The following SYCP2L variants were observed in gnomAD, a reference collection of about 807,000 sequenced individuals.
SYCP2L encodes synaptonemal complex protein 2-like.
In SYCP2L, 98 loss-of-function variants were observed where a neutral mutation model predicts 125.8. The observed-to-expected ratio is 0.78, with a 90% CI of 0.66 to 0.92. The LOEUF (loss-of-function observed/expected upper bound fraction) is 0.92. Ranked by LOEUF, SYCP2L falls within the 40% of genes least tolerant of loss-of-function variation. The pLI, the probability that SYCP2L is intolerant of heterozygous loss-of-function variation, is 0.00. For synonymous variants in SYCP2L, 317 were observed against 325.4 expected, an observed-to-expected ratio of 0.97 and a Z score of 0.28; for missense variants, 842 against 936.4, an observed-to-expected ratio of 0.90 and a Z score of 1.32.
intron 23 of SYCP2L, among the ~76,000 whole-genome samples, chr6:10,952,087 T>G (rs749889731): frequency 7.2e-5 from 11 of 152,212 alleles, no homozygotes; most frequent in Non-Finnish European, 1.3e-4. Flanking sequence ...TGACTGCGTT[T>G]GTGTTTATTT....
At chr6:10,909,706 G>T (rs188457043) in intron 10 of SYCP2L, among the ~76,000 whole-genome samples, 2 of 152,214 alleles carry the variant, frequency 1.3e-5, no homozygotes, top group Non-Finnish European at 2.9e-5. Flanking sequence ...AAAGTTGGCC[G>T]TAGATAATAC....
At position 10,926,388 on chromosome 6, in the gene SYCP2L, A is replaced by T; in HGVS notation, c.1268A>T (p.Asp423Val). 6.2e-7 allele frequency: 1 copy of T among 1,613,954 alleles called. No individual in the cohort carries two copies. The highest frequency in any genetic ancestry group is 2.2e-5 in the East Asian group (1 of 44,872). ...TCCTCAGAACTTTTTAGTAAGTCTG[A>T]TAAAGAAGACAGGGAGAGTCCCAGT... ...KISSELFSKS[D>V]KEDRESPSGL... Residue 423 changes from aspartate to valine, a missense_variant, in exon 16 of 30, where the codon GAT (aspartate) becomes GTT (valine). Physicochemically the swap from Asp to Val is radical, Grantham distance 152. Coordinates refer to ENST00000283141, the MANE Select transcript of SYCP2L (RefSeq NM_001040274.3).
At chr6:10,969,554 CG>C (rs1295728236) in intron 29 of SYCP2L, among the ~76,000 whole-genome samples, 3 of 151,390 alleles carry the variant, frequency 2.0e-5, no homozygotes, top group African/African-American at 2.4e-5. Context: ...TTAGTAGAGA[CG>C]GGGTTTCACC....
intron 10 of SYCP2L, 102 bp from the exon 11 acceptor site, chr6:10,910,046 C>T (rs902304072): frequency 1.0e-5 from 9 of 866,722 alleles, no homozygotes; most frequent in Non-Finnish European, 1.6e-5. Context: ...TTACTGCCTC[C>T]TGGTCATTTA....
intron 23 of SYCP2L, among the ~76,000 whole-genome samples, chr6:10,946,139 T>C (rs1781311375): frequency 1.3e-5 from 2 of 152,224 alleles, no homozygotes; most frequent in African/African-American, 4.8e-5. Context: ...CAATTTGTTT[T>C]GTGCTTTCTG....
At chr6:10,926,454 T>C (rs1780898978) in intron 16 of SYCP2L, 22 bp downstream of exon 16, 1 of 1,578,422 alleles carries the variant, frequency 6.3e-7, no homozygotes, top group South Asian at 1.1e-5. Context: ...AATAACAAAA[T>C]TCTGACCCTG....
chr6:10,913,059 A>G (rs2113323946), intron 14 of SYCP2L, 132 bp downstream of exon 14: 1 of 755,396 alleles, frequency 1.3e-6, no homozygotes, highest in Non-Finnish European at 2.1e-6. Flanking sequence ...ATGGTATGAT[A>G]GAAGGTGCGC....
chr6:10,947,169 A>G (rs1781331010), intron 23 of SYCP2L, among the ~76,000 whole-genome samples: 1 of 151,984 alleles, frequency 6.6e-6, no homozygotes, highest in African/African-American at 2.4e-5. Context: ...CCTTTTGTGT[A>G]GTTCCTATTC....
At chr6:10,899,677 T>C (rs1269378651) in intron 6 of SYCP2L, among the ~76,000 whole-genome samples, 1 of 152,284 alleles carries the variant, frequency 6.6e-6, no homozygotes, top group African/African-American at 2.4e-5. Context: ...AGTTTTCTTC[T>C]GAAAGGCTGT....
intron 6 of SYCP2L, among the ~76,000 whole-genome samples, chr6:10,900,786 G>C (rs968146113): frequency 6.7e-6 from 1 of 150,216 alleles, no homozygotes; most frequent in Non-Finnish European, 1.5e-5. Context: ...TATGAATTTC[G>C]GGGGGGGACA....
At chr6:10,894,030 A>T (rs1780217419) in intron 3 of SYCP2L, 26 bp downstream of exon 3, 10 of 1,603,510 alleles carry the variant, frequency 6.2e-6, no homozygotes, top group Non-Finnish European at 8.5e-6. Flanking sequence ...TTGTGACCAA[A>T]ATACAAATGT....
Position 10,902,155 on chromosome 6 carries a change from C to A in SYCP2L, c.467-522C>A, listed in dbSNP as rs1435479204. On this transcript the variant is annotated intron_variant, in intron 6 of 29. Coordinates refer to ENST00000283141, the MANE Select transcript of SYCP2L (RefSeq NM_001040274.3). ...CGGTCTCACCCAAATAGCACAATTG[C>A]TCCGTAACAGAGGAGTGGGGAAGGA... Among the ~76,000 whole-genome samples the A allele has an allele frequency of 2.0e-5, 3 of 152,340 alleles. No homozygotes were observed. In the South Asian group the frequency reaches 6.2e-4, roughly 32 times the overall value.
chr6:10,919,150 T>G (rs1780743300), intron 14 of SYCP2L, among the ~76,000 whole-genome samples: 1 of 152,166 alleles, frequency 6.6e-6, no homozygotes, highest in African/African-American at 2.4e-5. Context: ...TAAAGAACCT[T>G]ATTTTGTCAT....
chr6:10,960,305 T>C (rs1054334536), intron 26 of SYCP2L, among the ~76,000 whole-genome samples: 2 of 152,212 alleles, frequency 1.3e-5, no homozygotes, highest in Non-Finnish European at 2.9e-5. Flanking sequence ...GTCCTTTGAA[T>C]GTCAAAGCAA....
rs1044692002 is a variant in SYCP2L at position 10,888,869 on chromosome 6, C to CT, written c.9+1744dup. On this transcript the variant is annotated intron_variant, in intron 1 of 29. Coordinates refer to ENST00000283141, the MANE Select transcript of SYCP2L (RefSeq NM_001040274.3). ...TCAGTTTATGCTATGAATTAACACCCTTTTTTTTTTGATACGGAGTCTCAC... is the reference window on the plus strand; with the variant it reads ...TCAGTTTATGCTATGAATTAACACCCTTTTTTTTTTTGATACGGAGTCTCAC... 2.8e-3 allele frequency among the ~76,000 whole-genome samples: 424 copies of CT among 149,346 alleles called. 1 individual carries two copies. The highest frequency in any genetic ancestry group is 0.011 in the Middle Eastern group (3 of 284).
chr6:10,924,557 A>G lies in SYCP2L; in HGVS notation c.1134A>G (p.Lys378=), dbSNP rs1444485250. Residue 378 remains lysine, a synonymous_variant, in exon 15 of 30, where the codon AAA becomes AAG. Coordinates refer to ENST00000283141, the MANE Select transcript of SYCP2L (RefSeq NM_001040274.3). ...AGAAGCCCATGATTATCAGCTACAAAGAAGTCATGAAAATAGAAATCCATT... is the reference window on the plus strand; with the variant it reads ...AGAAGCCCATGATTATCAGCTACAAGGAAGTCATGAAAATAGAAATCCATT... ...YLKKPMIISY[K]EVMKIEIHFD... is the part of the protein sequence containing the mutation. 6.2e-7 allele frequency: 1 copy of G among 1,605,890 alleles called. No homozygotes were observed. The highest frequency in any genetic ancestry group is 1.1e-5 in the South Asian group (1 of 88,502).
At position 10,931,485 on chromosome 6, in the gene SYCP2L, A is replaced by G; in HGVS notation, c.1679A>G (p.Asp560Gly). Residue 560 changes from aspartate to glycine, a missense_variant, in exon 20 of 30, where the codon GAC becomes GGC. By Grantham distance (94) the Asp-to-Gly change is moderately conservative. Coordinates refer to ENST00000283141, the MANE Select transcript of SYCP2L (RefSeq NM_001040274.3). ...PPSSGSGHEK[D>G]QAKLLSPSEK... is the part of the protein sequence containing the mutation. ...AGTAGTGGCAGTGGCCATGAGAAAGACCAAGTAAGTACATTGTATCTGGGT... is the reference window on the plus strand; with the variant it reads ...AGTAGTGGCAGTGGCCATGAGAAAGGCCAAGTAAGTACATTGTATCTGGGT... 6.2e-7 allele frequency: 1 copy of G among 1,614,124 alleles called. No individual in the cohort carries two copies. The highest frequency in any genetic ancestry group is 8.5e-7 in the Non-Finnish European group (1 of 1,179,954).
chr6:10,943,059 A>G (rs1020696718), intron 23 of SYCP2L, among the ~76,000 whole-genome samples: 3 of 152,112 alleles, frequency 2.0e-5, no homozygotes, highest in African/African-American at 7.2e-5. Context: ...GTACTTTGCT[A>G]AGGGTCTCAT....
chr6:10,955,984 A>G, intron 24 of SYCP2L, 152 bp from the exon 25 acceptor site: 1 of 602,072 alleles, frequency 1.7e-6, no homozygotes, highest in Non-Finnish European at 2.9e-6. Flanking sequence ...AGCACTTTCC[A>G]GAGAGCGAGG....
Sources: allele counts gnomAD v4.1 joint callset (sites outside exome capture counted in the v4.1 genomes callset), GRCh38; gene constraint gnomAD v4.1.1; transcripts MANE v1.5; gene names NCBI Gene and HGNC (gene_info 2026-07-23, HGNC 2026-07-21).